Variants in OTX1 observed in about 807,000 individuals in gnomAD.
OTX1 encodes orthodenticle homeobox 1, also known as homeobox protein OTX1.
Under a neutral mutation model 26.7 loss-of-function variants are expected in OTX1, and 7 were observed. The observed-to-expected ratio is 0.26, with a 90% CI of 0.15 to 0.49. The LOEUF (loss-of-function observed/expected upper bound fraction) is 0.49. Among genes scored for constraint, OTX1 ranks in the 20% least tolerant of loss-of-function variants. The probability of loss-of-function intolerance (pLI) is 0.98; values close to 1 mark genes in which losing one functional copy is unlikely to be tolerated. For synonymous variants in OTX1, 216 were observed against 212.8 expected (o/e 1.01, Z -0.13); for missense variants, 414 against 483.8 (o/e 0.86, Z 1.35).
chr2:63,051,341 C>A (rs1417569675), intron 2 of OTX1, 24 bp downstream of exon 2: 1 of 152,366 alleles, frequency 6.6e-6, no homozygotes, highest in Non-Finnish European at 1.5e-5. Flanking sequence ...CGCGGGGCCA[C>A]CCCGGACTCC....
intron 3 of OTX1, 66 bp from the exon 4 acceptor site, chr2:63,053,981 C>T: frequency 6.4e-7 from 1 of 1,563,802 alleles, no homozygotes; most frequent in Non-Finnish European, 8.7e-7. Context: ...AGGGGCCTGC[C>T]CGAGTCCTCT....
Position 63,055,560 on chromosome 2 carries a change from C to T in OTX1, c.309C>T (p.Thr103=). 1 of 1,614,188 alleles carries T rather than the reference C, an allele frequency of 6.2e-7. No individual in the cohort carries two copies. Among genetic ancestry groups the T allele is most frequent in the Non-Finnish European group, 8.5e-7 (1 of 1,180,038 alleles). Residue 103 remains threonine, a synonymous_variant, in exon 5 of 5, where the codon ACC becomes ACT. Transcript: ENST00000282549. The surrounding 1 kb of genome is among the most constrained non-coding windows in gnomAD (Gnocchi z 5.2). ...CRQQQQSGSG[T]KSRPAKKKSS... is the part of the protein sequence containing the mutation. ...AGCAGCAGCAGAGCGGGAGCGGAAC[C>T]AAGAGCCGCCCAGCCAAGAAGAAGT...
Position 63,057,268 on chromosome 2 carries a change from T to C in OTX1, c.*952T>C, listed in dbSNP as rs1225203167. On this transcript the variant is annotated 3_prime_UTR_variant, in exon 5 of 5. Coordinates refer to ENST00000282549, the MANE Select transcript of OTX1 (RefSeq NM_014562.4). ...TTTTTCAGTTGTTGCAAAGCTGCCC[T>C]GCCCTCTTCACATCTTCTCCCTCTG... 3.9e-5 allele frequency: 6 copies of C among 152,186 alleles called. No individual in the cohort carries two copies. Among genetic ancestry groups the C allele is most frequent in the Non-Finnish European group, 1.5e-5 (1 of 68,050 alleles). The allele number at this position is 152,186 out of a possible 1,614,324, so 9.4% of individuals were successfully genotyped here.
At chr2:63,053,366 T>C (rs2062039777) in intron 3 of OTX1, 4 of 386,968 alleles carry the variant, frequency 1.0e-5, no homozygotes, top group Non-Finnish European at 1.8e-5. Flanking sequence ...AGCGCAGAGC[T>C]CATTTACTTG....
intron 2 of OTX1, among the ~76,000 whole-genome samples, chr2:63,052,507 G>T (rs1041009298): frequency 2.0e-5 from 3 of 152,256 alleles, no homozygotes; most frequent in African/African-American, 7.2e-5. Context: ...GCGGCCTGCC[G>T]TCCGGGCACC....
At chr2:63,054,860 GA>G (rs1235816637) in intron 4 of OTX1, among the ~76,000 whole-genome samples, 2 of 152,204 alleles carry the variant, frequency 1.3e-5, no homozygotes, top group Non-Finnish European at 2.9e-5. Context: ...GGCTCTCCTA[GA>G]AGAGTAACCA....
intron 2 of OTX1, 28 bp from the exon 3 acceptor site, chr2:63,052,852 G>A: frequency 1.7e-6 from 1 of 599,996 alleles, no homozygotes; most frequent in South Asian, 2.0e-5. Flanking sequence ...TCCGATTGAC[G>A]GTTTCCGTGT....
In OTX1 at chr2:63,057,391, T is replaced by A. The variant is rs1201756380; in HGVS notation, c.*1075T>A. 1 of 152,158 alleles carries A rather than the reference T, an allele frequency of 6.6e-6. No individual in the cohort carries two copies. Among genetic ancestry groups the A allele is most frequent in the East Asian group, 1.9e-4 (1 of 5,190 alleles). The allele number at this position is 152,158 out of a possible 1,614,324, so 9.4% of individuals were successfully genotyped here. On this transcript the variant is annotated 3_prime_UTR_variant, in exon 5 of 5. Coordinates refer to ENST00000282549, the MANE Select transcript of OTX1 (RefSeq NM_014562.4). ...CAAGTCAGGGTACAGAGGTGGGGGTTGGGCAGGGGCGCAGGGCTGACCCCC... is the reference window on the plus strand; with the variant it reads ...CAAGTCAGGGTACAGAGGTGGGGGTAGGGCAGGGGCGCAGGGCTGACCCCC...
At position 63,053,086 on chromosome 2, in the gene OTX1, G is replaced by T; in HGVS notation, c.96G>T (p.Pro32=). The T allele has an allele frequency of 6.4e-7, 1 of 1,572,106 alleles. No individual in the cohort carries two copies. ...MDLLHPSVGY[P]ATPRKQRRER... ...TCCTGCACCCATCCGTGGGCTATCC[G>T]GGTGAGCACCAGCCCTCCCGACCCT... Residue 32 remains proline, a splice_region_variant and synonymous_variant, in exon 3 of 5, where the codon CCG becomes CCT. Coordinates refer to ENST00000282549, the MANE Select transcript of OTX1 (RefSeq NM_014562.4).
rs780154199 is a variant in OTX1, at chr2:63,055,898, C to T, written c.647C>T (p.Thr216Ile). 6.2e-7 allele frequency: 1 copy of T among 1,612,396 alleles called. No homozygotes were observed. The highest frequency in any genetic ancestry group is 1.7e-5 in the Admixed American group (1 of 60,026). Residue 216 changes from threonine to isoleucine, a missense_variant, in exon 5 of 5, where the codon ACC becomes ATC. Thr to Ile is a moderately conservative substitution (Grantham distance 89). Around this residue, in one of 3 missense-constraint regions of OTX1, gnomAD observed 320 missense variants for 347.9 expected, o/e 0.92. Coordinates refer to ENST00000282549, the MANE Select transcript of OTX1 (RefSeq NM_014562.4). The surrounding 1 kb of genome is among the most constrained non-coding windows in gnomAD (Gnocchi z 5.2). Reference protein sequence around the residue: ...MQRSVAAGAATAAASYPMSYG... With the variant: ...MQRSVAAGAAIAAASYPMSYG... ...CGCTCCGTAGCTGCAGGCGCCGCCACCGCAGCAGCCTCTTATCCCATGTCC... is the reference window on the plus strand; with the variant it reads ...CGCTCCGTAGCTGCAGGCGCCGCCATCGCAGCAGCCTCTTATCCCATGTCC...
chr2:63,050,412 G>T (rs918348061), upstream of OTX1, among the ~76,000 whole-genome samples: 3 of 152,146 alleles, frequency 2.0e-5, no homozygotes, highest in Non-Finnish European at 4.4e-5. Context: ...GAGCGGCTGA[G>T]CCCTGTAGCG....
intron 3 of OTX1, 156 bp downstream of exon 3, chr2:63,053,243 G>C: frequency 3.7e-6 from 2 of 537,762 alleles, no homozygotes; most frequent in Non-Finnish European, 6.4e-6. Flanking sequence ...CCCACTGCCG[G>C]CGCATGGGGC....
rs781425296 is a variant in OTX1, at chr2:63,053,052, C to T, written c.62C>T (p.Ala21Val). The T allele has an allele frequency of 1.9e-5, 31 of 1,603,354 alleles. No individual in the cohort carries two copies. Among genetic ancestry groups the T allele is most frequent in the Non-Finnish European group, 2.6e-5 (31 of 1,175,894 alleles). The change falls in exon 3 of 5, where the codon GCC becomes GTC. Residue 21 changes from alanine (A) to valine (V), a missense_variant. By Grantham distance (64) the Ala-to-Val change is moderately conservative. This residue lies in a region of OTX1 where 48 missense variants were observed against 41.6 expected (regional missense o/e 1.15). Transcript: ENST00000282549. ...GMNGLGLAGP[A>V]MDLLHPSVGY... ...AACGGGCTGGGCCTGGCCGGGCCCGCCATGGACCTCCTGCACCCATCCGTG... is the reference window on the plus strand; with the variant it reads ...AACGGGCTGGGCCTGGCCGGGCCCGTCATGGACCTCCTGCACCCATCCGTG...
chr2:63,050,486 C>G (rs1461840518), upstream of OTX1, among the ~76,000 whole-genome samples: 3 of 152,186 alleles, frequency 2.0e-5, no homozygotes, highest in Non-Finnish European at 4.4e-5. Context: ...CCCTCCGGAG[C>G]GCCGAGAGCG....
rs2062057019 is a variant in OTX1, at chr2:63,055,494, A to G, written c.250-7A>G. ...TGACCCACTCTCCCCCATCCGGCCC[A>G]CTGCAGGTCTGGTTCAAGAACCGCC... On this transcript the variant is annotated splice_polypyrimidine_tract_variant and splice_region_variant and intron_variant, in intron 4 of 4. Transcript: ENST00000282549. The surrounding 1 kb of genome is among the most constrained non-coding windows in gnomAD (Gnocchi z 5.2). 6.2e-7 allele frequency: 1 copy of G among 1,610,034 alleles called. No homozygotes were observed. The highest frequency in any genetic ancestry group is 1.7e-5 in the Admixed American group (1 of 59,832).
chr2:63,050,313 A>C (rs1050996812), upstream of OTX1, among the ~76,000 whole-genome samples: 1 of 151,986 alleles, frequency 6.6e-6, no homozygotes, highest in Non-Finnish European at 1.5e-5. Flanking sequence ...GGCGCCGGGG[A>C]AGAAAACGCT....
At position 63,052,963 on chromosome 2, in the gene OTX1, G is replaced by T. The variant is rs368588963; in HGVS notation, c.-28G>T. The T allele has an allele frequency of 8.4e-6, 13 of 1,552,254 alleles. No homozygotes were observed. In the African/African-American group the frequency reaches 1.8e-4, roughly 21 times the overall value. On this transcript the variant is annotated 5_prime_UTR_variant, in exon 3 of 5. Coordinates refer to ENST00000282549, the MANE Select transcript of OTX1 (RefSeq NM_014562.4). Reference sequence around the variant, plus strand: ...TCCTGGCCCCGGGCCCCCTGGATCCGTCGGGGCGCCTCCACCCAGCTGTTA... The same window carrying T: ...TCCTGGCCCCGGGCCCCCTGGATCCTTCGGGGCGCCTCCACCCAGCTGTTA...
At position 63,055,318 on chromosome 2, in the gene OTX1, G is replaced by A. The variant is rs1189625949; in HGVS notation, c.250-183G>A. Reference sequence around the variant, plus strand: ...GGCTTTGAGCAGAAGGATGGGGGAGGGTGGAGGAGCTGGGAACCGAGGTAG... The same window carrying A: ...GGCTTTGAGCAGAAGGATGGGGGAGAGTGGAGGAGCTGGGAACCGAGGTAG... On this transcript the variant is annotated intron_variant, in intron 4 of 4. Transcript: ENST00000282549. The surrounding 1 kb of genome is among the most constrained non-coding windows in gnomAD (Gnocchi z 5.2). Among the ~76,000 whole-genome samples the A allele has an allele frequency of 6.6e-6, 1 of 152,194 alleles. No individual in the cohort carries two copies. Among genetic ancestry groups the A allele is most frequent in the Non-Finnish European group, 1.5e-5 (1 of 68,038 alleles).
At position 63,056,046 on chromosome 2, in the gene OTX1, C is replaced by G. The variant is rs2062064690; in HGVS notation, c.795C>G (p.Ser265Arg). 1.2e-6 allele frequency: 2 copies of G among 1,613,406 alleles called. No individual in the cohort carries two copies. Among genetic ancestry groups the G allele is most frequent in the Non-Finnish European group, 1.7e-6 (2 of 1,179,548 alleles). The part of the protein sequence containing the change: ...MHSHHHPHQL[S>R]PMAPSSMAGH... ...CACATCACCACCCGCACCAGCTCAG[C>G]CCCATGGCACCCTCCTCCATGGCGG... is the stretch of plus-strand genomic sequence containing the variant. The change falls in exon 5 of 5, where the codon AGC becomes AGG. Residue 265 changes from serine to arginine, a missense_variant. Ser to Arg is a moderately radical substitution (Grantham distance 110). Transcript: ENST00000282549.
Sources: allele counts gnomAD v4.1 joint callset (sites outside exome capture counted in the v4.1 genomes callset), GRCh38; gene constraint gnomAD v4.1.1; regional missense constraint gnomAD v4.1.1; non-coding constraint Gnocchi (gnomAD v3.1); transcripts MANE v1.5; gene names NCBI Gene and HGNC (gene_info 2026-07-23, HGNC 2026-07-21).